Variants in ADGRG2 observed in about 807,000 individuals in gnomAD.
ADGRG2 encodes G protein-coupled receptor 64.
In ADGRG2, 26 loss-of-function variants were observed where a neutral mutation model predicts 74.1. That is an observed-to-expected ratio of 0.35 (90% confidence interval 0.26 to 0.49). The LOEUF is 0.49. Ranked by LOEUF, ADGRG2 falls within the 20% of genes least tolerant of loss-of-function variation. The pLI, the probability that ADGRG2 is intolerant of heterozygous loss-of-function variation, is 0.99. For synonymous variants in ADGRG2, 296 were observed against 295.2 expected (o/e 1.00, Z -0.03); for missense variants, 619 against 763.1 (o/e 0.81, Z 2.22).
At chrX:19,112,514 T>C (rs916257734) in intron 1 of ADGRG2, among the ~76,000 whole-genome samples, 4 of 110,488 alleles carry the variant, frequency 3.6e-5, no homozygotes, top group African/African-American at 1.3e-4. Flanking sequence ...GAGGAAGAGA[T>C]GGACATTATG....
chrX:19,034,356 T>G (rs1487002447), intron 7 of ADGRG2: 1 of 111,827 alleles, frequency 8.9e-6, no homozygotes, highest in Non-Finnish European at 1.9e-5. Context: ...GAGAAGCAGG[T>G]ACAGAAATCT....
chrX:19,093,669 T>G (rs1406374469), intron 1 of ADGRG2, among the ~76,000 whole-genome samples: 1 of 111,561 alleles, frequency 9.0e-6, no homozygotes, highest in Non-Finnish European at 1.9e-5. Context: ...CCAAAAGTTG[T>G]TTTTAATTTT....
At chrX:19,014,345 G>A (rs2060422434) in intron 15 of ADGRG2, among the ~76,000 whole-genome samples, 1 of 111,496 alleles carries the variant, frequency 9.0e-6, no homozygotes, top group South Asian at 3.8e-4. Context: ...CTGTGGCTCT[G>A]TGTCTCATGG....
intron 1 of ADGRG2, among the ~76,000 whole-genome samples, chrX:19,110,128 T>C (rs1359818514): frequency 9.0e-6 from 1 of 111,569 alleles, no homozygotes; most frequent in Non-Finnish European, 1.9e-5. Context: ...CAAAATTGAA[T>C]ACTACATGCC....
At chrX:19,007,388 G>C in intron 19 of ADGRG2, 31 bp from the exon 20 acceptor site, 2 of 1,182,630 alleles carry the variant, frequency 1.7e-6, no homozygotes, top group Non-Finnish European at 2.3e-6. Flanking sequence ...GGGTAAATGA[G>C]ATATTGTCAG....
At chrX:19,092,944 G>T (rs1011459740) in intron 1 of ADGRG2, among the ~76,000 whole-genome samples, 1 of 112,150 alleles carries the variant, frequency 8.9e-6, no homozygotes, top group Admixed American at 9.5e-5. Context: ...AGGAGATCAG[G>T]ACCAAGGAGG....
chrX:19,109,362 G>A (rs2147068460), intron 1 of ADGRG2, among the ~76,000 whole-genome samples: 1 of 111,785 alleles, frequency 8.9e-6, no homozygotes, highest in East Asian at 2.8e-4. Flanking sequence ...CATTAGTCGT[G>A]TTCATTGGTA....
chrX:19,011,785 C>T (rs955542716), intron 16 of ADGRG2, among the ~76,000 whole-genome samples: 3 of 111,907 alleles, frequency 2.7e-5, no homozygotes, highest in African/African-American at 6.5e-5. Context: ...GCAGAGGTTG[C>T]GGTGAGCCGA....
intron 1 of ADGRG2, among the ~76,000 whole-genome samples, chrX:19,113,852 G>A (rs981797186): frequency 3.6e-5 from 4 of 110,886 alleles, no homozygotes; most frequent in African/African-American, 6.6e-5. Flanking sequence ...GCGGATCACC[G>A]GAGGCCAGGA....
intron 2 of ADGRG2, among the ~76,000 whole-genome samples, chrX:19,074,317 G>T (rs911064003): frequency 8.6e-5 from 6 of 69,458 alleles, no homozygotes; most frequent in African/African-American, 1.3e-4. Flanking sequence ...ACGGTTCACT[G>T]CAGCCTCAAC....
At chrX:19,040,463 T>TA (rs1041970406) in intron 3 of ADGRG2, among the ~76,000 whole-genome samples, 1 of 112,157 alleles carries the variant, frequency 8.9e-6, no homozygotes, top group African/African-American at 3.2e-5. Flanking sequence ...AAAAATAAGA[T>TA]AAAATTAGTT....
chrX:19,110,005 T>C (rs1169104729), intron 1 of ADGRG2, among the ~76,000 whole-genome samples: 1 of 112,248 alleles, frequency 8.9e-6, no homozygotes, highest in Non-Finnish European at 1.9e-5. Flanking sequence ...GACACAAGAA[T>C]GTACTCTTGG....
chrX:19,044,420 A>G (rs188195989), intron 3 of ADGRG2, among the ~76,000 whole-genome samples: 1 of 111,389 alleles, frequency 9.0e-6, no homozygotes, highest in African/African-American at 3.3e-5. Context: ...CGATAATCTC[A>G]TGGTCTTTCA....
At chrX:19,121,192 C>T (rs1418172180) in intron 1 of ADGRG2, among the ~76,000 whole-genome samples, 1 of 111,986 alleles carries the variant, frequency 8.9e-6, no homozygotes, top group African/African-American at 3.2e-5. Flanking sequence ...CCTCTCACAA[C>T]CTCTTTTACC....
chrX:19,120,294 C>T (rs2062589392), intron 1 of ADGRG2, among the ~76,000 whole-genome samples: 1 of 111,930 alleles, frequency 8.9e-6, no homozygotes. Flanking sequence ...CTTAACTAAG[C>T]AAAATTTTAT....
In ADGRG2 at chrX:19,103,321, A is replaced by T. The variant is rs1451456683; in HGVS notation, c.-47+19121T>A. Among the ~76,000 whole-genome samples the T allele has an allele frequency of 6.3e-5, 7 of 111,926 alleles. No individual in the cohort carries two copies. The Admixed American group carries it at 6.6e-4, about 11-fold the overall frequency. On this transcript the variant is annotated intron_variant, in intron 1 of 28. Coordinates refer to ENST00000379869, the MANE Select transcript of ADGRG2 (RefSeq NM_001079858.3). ...GGAAGTTACCCTTTACAGTGTAAAAAGGGGAGGAACTCTCAGTTCCGGGAA... is the reference window on the plus strand; with the variant it reads ...GGAAGTTACCCTTTACAGTGTAAAATGGGGAGGAACTCTCAGTTCCGGGAA...
intron 16 of ADGRG2, among the ~76,000 whole-genome samples, chrX:19,013,295 A>G (rs2060397001): frequency 8.9e-6 from 1 of 111,771 alleles, no homozygotes; most frequent in African/African-American, 3.3e-5. Flanking sequence ...TTTGTAGGAG[A>G]AAGAAACCTA....
chrX:19,033,242 G>A (rs954552146), intron 8 of ADGRG2: 1 of 128,836 alleles, frequency 7.8e-6, no homozygotes, highest in Admixed American at 9.3e-5. Context: ...AAAAATTTGA[G>A]GTTCATTCCT....
At chrX:19,009,496 C>T (rs764328873) in intron 18 of ADGRG2, 130 bp downstream of exon 18, 1 of 615,541 alleles carries the variant, frequency 1.6e-6, no homozygotes, top group East Asian at 3.5e-5. Flanking sequence ...TGGTGCCTCA[C>T]TGTTCTAGAT....
Sources: gnomAD v4.1 joint callset for allele counts (sites outside exome capture counted in the v4.1 genomes callset) on GRCh38, gnomAD v4.1.1 for gene constraint, MANE v1.5 for transcripts, NCBI Gene and HGNC (gene_info 2026-07-23, HGNC 2026-07-21) for gene names.